SRP68: variants seen among roughly 807,000 people sequenced by gnomAD.
SRP68 encodes the protein signal recognition particle subunit SRP68.
Under a neutral mutation model 82.2 loss-of-function variants are expected in SRP68, and 15 were observed. The ratio of observed to expected loss-of-function variants is 0.18; its 90% CI spans 0.12 to 0.28. The LOEUF is 0.28. Ranked by LOEUF, SRP68 falls within the 10% of genes least tolerant of loss-of-function variation. The pLI is 1.00. For missense variants in SRP68, 595 were observed against 780.5 expected, an observed-to-expected ratio of 0.76 and a Z score of 2.83; for synonymous variants, 261 against 292.6, an observed-to-expected ratio of 0.89 and a Z score of 1.10.
At chr17:76,054,007 T>G (rs1368385537) in intron 8 of SRP68, among the ~76,000 whole-genome samples, 2 of 152,218 alleles carry the variant, frequency 1.3e-5, no homozygotes, top group Non-Finnish European at 2.9e-5. Flanking sequence ...AAATTGGTGG[T>G]CTGACTAGAC....
intron 13 of SRP68, among the ~76,000 whole-genome samples, chr17:76,042,518 A>C (rs2066599064): frequency 6.8e-6 from 1 of 146,824 alleles, no homozygotes; most frequent in Non-Finnish European, 1.5e-5. Context: ...CTAGCCTAGG[A>C]GACAGAGACT....
chr17:76,070,951 C>T (rs932512595), intron 1 of SRP68, among the ~76,000 whole-genome samples: 1 of 151,956 alleles, frequency 6.6e-6, no homozygotes. Flanking sequence ...TGTCACAGGA[C>T]AGGGCTAACC....
At chr17:76,053,926 G>A (rs1254866430) in intron 8 of SRP68, among the ~76,000 whole-genome samples, 2 of 152,150 alleles carry the variant, frequency 1.3e-5, no homozygotes, top group Admixed American at 6.6e-5. Context: ...CCTGTACACC[G>A]ACCTTCTCCG....
rs1295659034 is a variant in SRP68 at position 76,062,712 on chromosome 17, A to ATT, written c.562-1139_562-1138insAA. ...ATACATTATATATTGTATATTATACAATATATTATATTTATTTTATATATA... is the reference window on the plus strand; with the variant it reads ...ATACATTATATATTGTATATTATACATTATATATTATATTTATTTTATATATA... On this transcript the variant is annotated intron_variant, in intron 4 of 15. Transcript: ENST00000307877. Among the ~76,000 whole-genome samples, 151 of 68,474 alleles carry ATT rather than the reference A, an allele frequency of 2.2e-3. 44 individuals are homozygous for ATT. Among genetic ancestry groups the ATT allele is most frequent in the African/African-American group, 2.9e-3 (35 of 12,182 alleles). The allele number at this position is 68,474 out of a possible 152,430, so 44.9% of individuals were successfully genotyped here.
intron 13 of SRP68, 133 bp downstream of exon 13, chr17:76,043,696 C>T: frequency 2.1e-6 from 2 of 938,694 alleles, no homozygotes; most frequent in South Asian, 1.9e-5. Flanking sequence ...GCAGTCAGGG[C>T]TACACCAGGT....
chr17:76,070,468 C>A, intron 1 of SRP68, 24 bp from the exon 2 acceptor site: 1 of 1,596,236 alleles, frequency 6.3e-7, no homozygotes, highest in Non-Finnish European at 8.6e-7. Flanking sequence ...TAAGGAAAAT[C>A]TTACCATAGC....
At chr17:76,062,826 A>T (rs1429455687) in intron 4 of SRP68, among the ~76,000 whole-genome samples, 1 of 133,530 alleles carries the variant, frequency 7.5e-6, no homozygotes, top group African/African-American at 2.9e-5. Flanking sequence ...GCTGGAGCGC[A>T]GTGGCACAAT....
At position 76,062,759 on chromosome 17, in the gene SRP68, AT is replaced by A. The variant is rs1315255569; in HGVS notation, c.562-1186del. 2.0e-4 allele frequency among the ~76,000 whole-genome samples: 15 copies of A among 76,344 alleles called. 1 individual carries two copies. The highest frequency in any genetic ancestry group is 3.2e-4 in the South Asian group (1 of 3,118). 50.1% of individuals were successfully genotyped at this position (76,344 alleles called of 152,430 possible). On this transcript the variant is annotated intron_variant, in intron 4 of 15. Coordinates refer to ENST00000307877, the MANE Select transcript of SRP68 (RefSeq NM_014230.4). Reference sequence around the variant, plus strand: ...TATATATATATATATATATATATATATATATAAAATATATATATATATTTTT... The same window carrying A: ...TATATATATATATATATATATATATAATATAAAATATATATATATATTTTT...
intron 8 of SRP68, among the ~76,000 whole-genome samples, chr17:76,056,129 C>G (rs1259526402): frequency 6.6e-6 from 1 of 152,058 alleles, no homozygotes; most frequent in Non-Finnish European, 1.5e-5. Context: ...TTCAAAATTA[C>G]TTAATAAATG....
At chr17:76,046,398 T>G (rs886877055) in intron 10 of SRP68, among the ~76,000 whole-genome samples, 30 of 151,706 alleles carry the variant, frequency 2.0e-4, no homozygotes, top group African/African-American at 6.3e-4. Flanking sequence ...GCATGAGATC[T>G]TATCACAAAA....
rs1365071845 is a variant in SRP68, at chr17:76,039,300, T to G, written c.*406A>C. 2.2e-6 allele frequency: 1 copy of G among 462,926 alleles called. No individual in the cohort carries two copies. Among genetic ancestry groups the G allele is most frequent in the Admixed American group, 2.3e-5 (1 of 42,718 alleles). 28.7% of individuals were successfully genotyped at this position (462,926 alleles called of 1,614,324 possible). A position where few individuals can be genotyped will look rare whatever the true frequency, so the allele number is the denominator to read the frequency against. On this transcript the variant is annotated 3_prime_UTR_variant, in exon 16 of 16. Coordinates refer to ENST00000307877, the MANE Select transcript of SRP68 (RefSeq NM_014230.4). Reference sequence around the variant, plus strand: ...CATAGATAAACTTCTCAAGGGCTCCTGGATGCTCACAGCAAGGATGAGTTC... The same window carrying G: ...CATAGATAAACTTCTCAAGGGCTCCGGGATGCTCACAGCAAGGATGAGTTC...
chr17:76,070,402 C>G lies in SRP68; in HGVS notation c.227G>C (p.Arg76Pro). Reference sequence around the variant, plus strand: ...CCTGTACCTCTGAAAATCTCCATGCCGTAAACCATGCTGCTGCTGGGATTC... The same window carrying G: ...CCTGTACCTCTGAAAATCTCCATGCGGTAAACCATGCTGCTGCTGGGATTC... ...IKESQQQHGL[R>P]HGDFQRYRGY... Residue 76 changes from arginine (R) to proline (P), a missense_variant, in exon 2 of 16, where the codon CGG becomes CCG. Physicochemically the swap from Arg to Pro is moderately radical, Grantham distance 103. This residue lies in a region of SRP68 where 495 missense variants were observed against 688.6 expected (regional missense o/e 0.72). Transcript: ENST00000307877. The G allele has an allele frequency of 6.2e-7, 1 of 1,613,976 alleles. No homozygotes were observed. The highest frequency in any genetic ancestry group is 8.5e-7 in the Non-Finnish European group (1 of 1,179,954).
At chr17:76,041,858 G>T (rs1322431876) in intron 13 of SRP68, among the ~76,000 whole-genome samples, 1 of 151,512 alleles carries the variant, frequency 6.6e-6, no homozygotes, top group Non-Finnish European at 1.5e-5. Context: ...ACACTGGCTG[G>T]CGTGACTCCA....
intron 9 of SRP68, chr17:76,048,484 A>G (rs1286706345): frequency 6.6e-6 from 1 of 152,300 alleles, no homozygotes; most frequent in Non-Finnish European, 1.5e-5. Context: ...GGTGGGTCCA[A>G]TGTCATCCCA....
At position 76,068,329 on chromosome 17, in the gene SRP68, C is replaced by T. The variant is rs539448060; in HGVS notation, c.252-999G>A. On this transcript the variant is annotated intron_variant, in intron 2 of 15. Coordinates refer to ENST00000307877, the MANE Select transcript of SRP68 (RefSeq NM_014230.4). The stretch of plus-strand genomic sequence containing the variant: ...AAATTAGCCAGGCATGGCGGGCGGG[C>T]GCCTATAATTCTAGCTACTCGGGAG... 8.3e-4 allele frequency among the ~76,000 whole-genome samples: 124 copies of T among 150,302 alleles called. 1 individual carries two copies. Among genetic ancestry groups the T allele is most frequent in the Admixed American group, 4.4e-3 (66 of 15,052 alleles).
chr17:76,069,260 T>C (rs181140761), intron 2 of SRP68, among the ~76,000 whole-genome samples: 143 of 151,028 alleles, frequency 9.5e-4, no homozygotes, highest in African/African-American at 3.4e-3. Flanking sequence ...TGGTGGTGCA[T>C]GCCTGTAGTC....
At chr17:76,044,005 C>T (rs762541826) in intron 12 of SRP68, 47 bp from the exon 13 acceptor site, 4 of 1,564,766 alleles carry the variant, frequency 2.6e-6, no homozygotes, top group Non-Finnish European at 3.4e-6. Context: ...CAGCAATTAC[C>T]CAAGACCAAG....
chr17:76,061,136 T>G lies in SRP68; in HGVS notation c.728A>C (p.Asn243Thr). 1 of 1,613,064 alleles carries G rather than the reference T, an allele frequency of 6.2e-7. No homozygotes were observed. The highest frequency in any genetic ancestry group is 8.5e-7 in the Non-Finnish European group (1 of 1,178,978). The change falls in exon 6 of 16, where the codon AAC becomes ACC. Residue 243 changes from asparagine (N) to threonine (T), a missense_variant. Around this residue, in one of 2 missense-constraint regions of SRP68, gnomAD observed 495 missense variants for 688.6 expected, o/e 0.72. Coordinates refer to ENST00000307877, the MANE Select transcript of SRP68 (RefSeq NM_014230.4). Reference protein sequence around the residue: ...YNQRVEEISPNIRYCAYNIGD... With the variant: ...YNQRVEEISPTIRYCAYNIGD... Reference sequence around the variant, plus strand: ...AATATTATATGCACAATAGCGGATGTTGGGTGAAATCTCTTCCACACGTTG... The same window carrying G: ...AATATTATATGCACAATAGCGGATGGTGGGTGAAATCTCTTCCACACGTTG...
intron 7 of SRP68, among the ~76,000 whole-genome samples, chr17:76,058,486 T>C (rs932707861): frequency 6.6e-6 from 1 of 152,146 alleles, no homozygotes; most frequent in African/African-American, 2.4e-5. Flanking sequence ...CTTGAACTCC[T>C]GGGCTCGAGT....
Sources: allele counts gnomAD v4.1 joint callset (sites outside exome capture counted in the v4.1 genomes callset), GRCh38; gene constraint gnomAD v4.1.1; regional missense constraint gnomAD v4.1.1; transcripts MANE v1.5; gene names NCBI Gene and HGNC (gene_info 2026-07-23, HGNC 2026-07-21).